Variants in IL16 observed in about 807,000 individuals in gnomAD.
IL16 encodes the protein interleukin 16.
A neutral mutation model predicts 110.1 loss-of-function variants in IL16; 67 were observed. That is an observed-to-expected ratio of 0.61 (90% confidence interval 0.50 to 0.75). The LOEUF is 0.75. Ranked by LOEUF, IL16 falls within the 30% of genes least tolerant of loss-of-function variation. The pLI is 0.00. For synonymous variants in IL16, 689 were observed against 662.9 expected, an observed-to-expected ratio of 1.04 and a Z score of -0.61; for missense variants, 1,545 against 1,655.0, an observed-to-expected ratio of 0.93 and a Z score of 1.15.
chr15:81,188,531 A>G (rs1018267087), intron 1 of IL16: 3 of 437,046 alleles, frequency 6.9e-6, no homozygotes, highest in Non-Finnish European at 1.4e-5. Context: ...GTCAGACACT[A>G]GTCAGCAGCA....
At chr15:81,215,951 G>A (rs551233530) in intron 1 of IL16, among the ~76,000 whole-genome samples, 1 of 152,350 alleles carries the variant, frequency 6.6e-6, no homozygotes, top group Non-Finnish European at 1.5e-5. Flanking sequence ...GTGGAGCAAT[G>A]CGCTCAGGCT....
chr15:81,221,786 C>T (rs762685006), intron 1 of IL16, among the ~76,000 whole-genome samples: 2 of 152,206 alleles, frequency 1.3e-5, no homozygotes, highest in Non-Finnish European at 2.9e-5. Flanking sequence ...TCTCCCATCC[C>T]ATGGGCCCTG....
intron 2 of IL16, among the ~76,000 whole-genome samples, chr15:81,250,632 G>C (rs1897735983): frequency 6.6e-6 from 1 of 152,104 alleles, no homozygotes; most frequent in African/African-American, 2.4e-5. Flanking sequence ...TTTCTGCCAG[G>C]TATTGGGGCA....
intron 1 of IL16, among the ~76,000 whole-genome samples, chr15:81,201,299 C>CCACA (rs1304533299): frequency 6.7e-6 from 1 of 150,292 alleles, no homozygotes; most frequent in Non-Finnish European, 1.5e-5. Flanking sequence ...ACACCCCCAT[C>CCACA]CACACACACA....
chr15:81,244,909 C>G (rs1897483716), intron 2 of IL16, among the ~76,000 whole-genome samples: 1 of 152,012 alleles, frequency 6.6e-6, no homozygotes, highest in Non-Finnish European at 1.5e-5. Context: ...TTCTGTTATT[C>G]CGTATTCTGA....
At chr15:81,231,894 A>G (rs1341474180) in intron 2 of IL16, among the ~76,000 whole-genome samples, 1 of 152,104 alleles carries the variant, frequency 6.6e-6, no homozygotes, top group Non-Finnish European at 1.5e-5. Flanking sequence ...TTATAAGTCA[A>G]GGATCACATA....
At chr15:81,287,302 G>C (rs10162773) in intron 10 of IL16, among the ~76,000 whole-genome samples, 19,330 of 152,188 alleles carry the variant, frequency 0.13, 1,486 homozygotes, top group South Asian at 0.31. Context: ...AGAAGAGCAT[G>C]ATCTTACTGT....
At chr15:81,200,751 A>G (rs370679847) in intron 1 of IL16, among the ~76,000 whole-genome samples, 1 of 152,256 alleles carries the variant, frequency 6.6e-6, no homozygotes, top group East Asian at 1.9e-4. Flanking sequence ...GTGTCAGGAG[A>G]GTATTGTAAC....
At chr15:81,300,593 A>G (rs1900233917) in intron 14 of IL16, 118 bp downstream of exon 14, 1 of 642,170 alleles carries the variant, frequency 1.6e-6, no homozygotes, top group African/African-American at 1.9e-5. Context: ...TGATTAAAGA[A>G]TTGTTCTGCC....
At chr15:81,269,473 C>A in intron 4 of IL16, 65 bp from the exon 5 acceptor site, 1 of 1,102,110 alleles carries the variant, frequency 9.1e-7, no homozygotes. Context: ...TTTCCCCTTC[C>A]TTGTGAGGCA....
upstream of IL16, among the ~76,000 whole-genome samples, chr15:81,195,150 G>A (rs1443728082): frequency 1.3e-5 from 2 of 152,212 alleles, no homozygotes; most frequent in Non-Finnish European, 2.9e-5. Flanking sequence ...CCTTCTGAGA[G>A]TGAGAAAGAA....
chr15:81,188,330 C>G (rs1195946604), intron 1 of IL16: 1 of 456,178 alleles, frequency 2.2e-6, no homozygotes, highest in Non-Finnish European at 4.4e-6. Flanking sequence ...TTGCACACTG[C>G]TGTTCTTTTC....
intron 13 of IL16, among the ~76,000 whole-genome samples, chr15:81,298,732 CAA>C (rs1900114439): frequency 6.6e-6 from 1 of 152,208 alleles, no homozygotes. Context: ...GCAAGCTGAT[CAA>C]TGACCTGTGT....
chr15:81,268,579 C>T (rs545015298), intron 4 of IL16, among the ~76,000 whole-genome samples: 7 of 152,250 alleles, frequency 4.6e-5, no homozygotes, highest in African/African-American at 1.2e-4. Flanking sequence ...TTCTGCCTTG[C>T]GGCATCTCCG....
chr15:81,293,978 T>C (rs534147925), intron 12 of IL16, among the ~76,000 whole-genome samples: 1 of 152,374 alleles, frequency 6.6e-6, no homozygotes, highest in African/African-American at 2.4e-5. Flanking sequence ...TATGCAATGC[T>C]GAGTTTCCCA....
rs1316344590 is a variant in IL16 at position 81,313,598 on chromosome 15, G to A, written c.*4800G>A. 4 of 418,504 alleles carry A rather than the reference G, an allele frequency of 9.6e-6. No homozygotes were observed. Among genetic ancestry groups the A allele is most frequent in the East Asian group, 3.8e-5 (1 of 26,198 alleles). 25.9% of individuals were successfully genotyped at this position (418,504 alleles called of 1,614,324 possible). A position where few individuals can be genotyped will look rare whatever the true frequency, so the allele number is the denominator to read the frequency against. ...TCAGGATGGAAACCCATCCTGTCGG[G>A]GATGCATTCCACAGCCTCTCCCGGC... On this transcript the variant is annotated 3_prime_UTR_variant, in exon 19 of 19. Coordinates refer to ENST00000683961, the MANE Select transcript of IL16 (RefSeq NM_172217.5).
chr15:81,255,759 A>C (rs887424520), intron 2 of IL16, among the ~76,000 whole-genome samples: 27 of 143,254 alleles, frequency 1.9e-4, no homozygotes, highest in Non-Finnish European at 3.7e-4. Context: ...AAGTATTTAC[A>C]GCTAATCTGG....
Position 81,216,982 on chromosome 15 carries a change from G to A in IL16, c.-101-8317G>A, listed in dbSNP as rs985706911. Reference sequence around the variant, plus strand: ...ATGATATGCTATCATTTCTAAAATAGAATAAATTTAAGGAAACTAAATATT... The same window carrying A: ...ATGATATGCTATCATTTCTAAAATAAAATAAATTTAAGGAAACTAAATATT... On this transcript the variant is annotated intron_variant, in intron 1 of 18. Transcript: ENST00000683961. Among the ~76,000 whole-genome samples the A allele has an allele frequency of 2.6e-5, 4 of 151,788 alleles. 1 individual carries two copies. Among genetic ancestry groups the A allele is most frequent in the African/African-American group, 9.7e-5 (4 of 41,292 alleles).
intron 10 of IL16, chr15:81,289,768 G>T: frequency 3.2e-6 from 1 of 308,384 alleles, no homozygotes; most frequent in African/African-American, 2.2e-5. Context: ...TCCTTTTGAT[G>T]CACAGAAGTT....
Sources: allele counts gnomAD v4.1 joint callset (sites outside exome capture counted in the v4.1 genomes callset), GRCh38; gene constraint gnomAD v4.1.1; transcripts MANE v1.5; gene names NCBI Gene and HGNC (gene_info 2026-07-23, HGNC 2026-07-21).